PSME4: variants seen among roughly 807,000 people sequenced by gnomAD.
The protein encoded by PSME4 is proteasome activator complex subunit 4.
PSME4 carries 89 observed loss-of-function variants against 253.9 expected under a neutral mutation model. The ratio of observed to expected loss-of-function variants is 0.35; its 90% CI spans 0.30 to 0.42. The LOEUF is 0.42. Among genes scored for constraint, PSME4 ranks in the 10% least tolerant of loss-of-function variants. The pLI, the probability that PSME4 is intolerant of heterozygous loss-of-function variation, is 1.00. For missense variants in PSME4, 2,014 were observed against 2,195.2 expected, an observed-to-expected ratio of 0.92 and a Z score of 1.65; for synonymous variants, 851 against 759.2, an observed-to-expected ratio of 1.12 and a Z score of -1.99.
intron 44 of PSME4, among the ~76,000 whole-genome samples, chr2:53,868,489 A>AT (rs1462990793): frequency 3.7e-5 from 2 of 54,170 alleles, no homozygotes; most frequent in Non-Finnish European, 7.8e-5. Flanking sequence ...TATAATATAT[A>AT]TATATATGAT....
chr2:53,910,206 G>C (rs529562300), intron 20 of PSME4, 76 bp from the exon 21 acceptor site: 1 of 1,242,234 alleles, frequency 8.1e-7, no homozygotes, highest in East Asian at 2.3e-5. Flanking sequence ...TTCATTGCTG[G>C]ACTGTTTAAA....
chr2:53,887,234 G>A, intron 40 of PSME4, 25 bp downstream of exon 40: 1 of 1,577,262 alleles, frequency 6.3e-7, no homozygotes. Context: ...TTTCAACTGA[G>A]TTTCTACTAA....
intron 41 of PSME4, among the ~76,000 whole-genome samples, chr2:53,876,159 A>C (rs1380700967): frequency 6.6e-6 from 1 of 152,246 alleles, no homozygotes; most frequent in African/African-American, 2.4e-5. Flanking sequence ...TACCACATTC[A>C]TGTGTTATTA....
intron 3 of PSME4, chr2:53,942,100 T>G (rs1325568279): frequency 6.6e-6 from 1 of 152,586 alleles, no homozygotes; most frequent in Non-Finnish European, 1.5e-5. Flanking sequence ...TTCTTAAATA[T>G]AAGGCCTGTA....
In PSME4 at chr2:53,923,383, G is replaced by T. The variant is rs752840595; in HGVS notation, c.1846C>A (p.His616Asn). 12 of 1,610,414 alleles carry T rather than the reference G, an allele frequency of 7.5e-6. No individual in the cohort carries two copies. In the South Asian group the frequency reaches 1.1e-4, roughly 15 times the overall value. ...CCTGCTACTCTTGTTTCAAATATAT[G>T]TGAAGTAGAAAAATTAAAAACCTTC... ...LQKVFNFSTS[H>N]IFETRVAGRM... Residue 616 changes from histidine (H) to asparagine (N), a missense_variant, in exon 15 of 47, where the codon CAT becomes AAT. By Grantham distance (68) the His-to-Asn change is moderately conservative (BLOSUM62 1). Transcript: ENST00000404125.
intron 29 of PSME4, 47 bp downstream of exon 29, chr2:53,899,834 T>G (rs1680311959): frequency 6.3e-7 from 1 of 1,593,548 alleles, no homozygotes; most frequent in Admixed American, 1.8e-5. Flanking sequence ...AAGCCAAAAC[T>G]TACTATCTAT....
At chr2:53,866,358 C>G in intron 45 of PSME4, 135 bp from the exon 46 acceptor site, 1 of 938,118 alleles carries the variant, frequency 1.1e-6, no homozygotes, top group East Asian at 2.6e-5. Context: ...AACCAAAAAG[C>G]CAATGAGAAG....
intron 1 of PSME4, among the ~76,000 whole-genome samples, chr2:53,953,310 A>G (rs1670084179): frequency 6.6e-6 from 1 of 152,086 alleles, no homozygotes; most frequent in African/African-American, 2.4e-5. Context: ...TATATTTGAC[A>G]AAGAACTCAT....
intron 43 of PSME4, among the ~76,000 whole-genome samples, chr2:53,871,774 G>A (rs1288419919): frequency 3.9e-5 from 6 of 152,052 alleles, no homozygotes; most frequent in African/African-American, 9.7e-5. Flanking sequence ...AGTACTTTGG[G>A]AGGCCCAGGC....
At chr2:53,943,749 G>A (rs1355569867) in intron 3 of PSME4, among the ~76,000 whole-genome samples, 1 of 149,506 alleles carries the variant, frequency 6.7e-6, no homozygotes, top group African/African-American at 2.5e-5. Flanking sequence ...GACTGAGGCA[G>A]AAGAATCGCT....
chr2:53,871,125 T>C (rs566723850), intron 43 of PSME4, among the ~76,000 whole-genome samples: 1 of 152,344 alleles, frequency 6.6e-6, no homozygotes, highest in Admixed American at 6.5e-5. Context: ...TACACATTTT[T>C]GTTTTGTGAA....
chr2:53,873,555 C>A (rs1678992048), intron 43 of PSME4, among the ~76,000 whole-genome samples: 1 of 152,194 alleles, frequency 6.6e-6, no homozygotes, highest in South Asian at 2.1e-4. Context: ...TGCCAACATG[C>A]TCTTACATTT....
chr2:53,932,735 T>C lies in PSME4; in HGVS notation c.983A>G (p.Lys328Arg), dbSNP rs1299527020. Residue 328 changes from lysine to arginine, a missense_variant, in exon 9 of 47, where the codon AAA becomes AGA. Lys to Arg is a conservative substitution (Grantham distance 26). Coordinates refer to ENST00000404125, the MANE Select transcript of PSME4 (RefSeq NM_014614.3). ...GCTGTTAAACAAACCAGCTAAGTGT[T>C]TTTGCACTAGCTTACTTGGTCCACC... ...MMGGPSKLVQKHLAGLFNSIT... is the reference protein window; with the variant it reads ...MMGGPSKLVQRHLAGLFNSIT... 1 of 1,613,642 alleles carries C rather than the reference T, an allele frequency of 6.2e-7. No individual in the cohort carries two copies. The highest frequency in any genetic ancestry group is 1.3e-5 in the African/African-American group (1 of 74,896).
intron 2 of PSME4, 104 bp from the exon 3 acceptor site, chr2:53,948,641 A>T: frequency 1.3e-6 from 1 of 767,276 alleles, no homozygotes; most frequent in South Asian, 1.7e-5. Flanking sequence ...GCTCATCACC[A>T]TGGGTTTTGC....
intron 11 of PSME4, 145 bp from the exon 12 acceptor site, chr2:53,927,628 T>C: frequency 1.5e-6 from 1 of 684,424 alleles, no homozygotes; most frequent in Non-Finnish European, 2.6e-6. Context: ...CATTTAGAAT[T>C]GAACACTGTA....
intron 1 of PSME4, among the ~76,000 whole-genome samples, chr2:53,968,178 G>T (rs2104495487): frequency 6.6e-6 from 1 of 151,880 alleles, no homozygotes; most frequent in South Asian, 2.1e-4. Flanking sequence ...GGGAGGCTGA[G>T]GCAGGAGAAT....
Position 53,885,677 on chromosome 2 carries a change from A to T in PSME4, c.4815+13T>A, listed in dbSNP as rs372660996. 35 of 1,591,324 alleles carry T rather than the reference A, an allele frequency of 2.2e-5. No homozygotes were observed. The highest frequency in any genetic ancestry group is 2.9e-5 in the Non-Finnish European group (34 of 1,160,256). On this transcript the variant is annotated intron_variant, in intron 41 of 46. Coordinates refer to ENST00000404125, the MANE Select transcript of PSME4 (RefSeq NM_014614.3). Reference sequence around the variant, plus strand: ...CAAAAGGAGATGCATTCTTAATTTCAGCAAAACCTTACCTTGAAAAACAAA... The same window carrying T: ...CAAAAGGAGATGCATTCTTAATTTCTGCAAAACCTTACCTTGAAAAACAAA...
At chr2:53,891,877 AAGAC>A (rs1460366795) in intron 36 of PSME4, among the ~76,000 whole-genome samples, 9 of 151,410 alleles carry the variant, frequency 5.9e-5, no homozygotes, top group Non-Finnish European at 1.0e-4. Context: ...AAAAAAAGAG[AAGAC>A]AGACAGACAA....
intron 46 of PSME4, 188 bp from the exon 47 acceptor site, chr2:53,865,761 C>CA (rs1300417171): frequency 1.4e-5 from 3 of 222,124 alleles, no homozygotes; most frequent in African/African-American, 6.9e-5. Context: ...CAGGGCCACA[C>CA]AAAATGTCCC....
Sources: allele counts gnomAD v4.1 joint callset (sites outside exome capture counted in the v4.1 genomes callset), GRCh38; gene constraint gnomAD v4.1.1; transcripts MANE v1.5; gene names NCBI Gene and HGNC (gene_info 2026-07-23, HGNC 2026-07-21).